PPP1R3A: variants seen among roughly 807,000 people sequenced by gnomAD.
The protein encoded by PPP1R3A is RG1.
A neutral mutation model predicts 41.7 loss-of-function variants in PPP1R3A; 29 were observed. The observed-to-expected ratio is 0.70, with a 90% CI of 0.52 to 0.95. The LOEUF is 0.95. PPP1R3A is among the 40% of genes least tolerant of loss of function. The pLI is 0.00. For synonymous variants in PPP1R3A, 485 were observed against 453.4 expected (o/e 1.07, Z -0.89); for missense variants, 1,352 against 1,292.4 (o/e 1.05, Z -0.71).
chr7:113,910,852 T>C (rs1358396113), intron 1 of PPP1R3A, among the ~76,000 whole-genome samples: 1 of 152,258 alleles, frequency 6.6e-6, no homozygotes, highest in East Asian at 1.9e-4. Flanking sequence ...TAAGAAATGT[T>C]TTCACATAAT....
intron 1 of PPP1R3A, among the ~76,000 whole-genome samples, chr7:113,898,671 A>G (rs1181411220): frequency 2.6e-5 from 4 of 151,756 alleles, no homozygotes; most frequent in Non-Finnish European, 4.4e-5. Flanking sequence ...TTTCCCCACA[A>G]TAAAAGACTT....
chr7:113,893,003 T>C (rs1326729414), intron 1 of PPP1R3A, among the ~76,000 whole-genome samples: 5 of 151,948 alleles, frequency 3.3e-5, no homozygotes, highest in African/African-American at 1.2e-4. Flanking sequence ...AATACACTCA[T>C]GCTGACCTTT....
In PPP1R3A at chr7:113,878,626, G is replaced by A. The variant is rs762566614; in HGVS notation, c.2466C>T (p.Thr822=). 2 of 1,612,938 alleles carry A rather than the reference G, an allele frequency of 1.2e-6. No individual in the cohort carries two copies. The highest frequency in any genetic ancestry group is 1.7e-6 in the Non-Finnish European group (2 of 1,179,532). The change falls in exon 4 of 4, where the codon ACC becomes ACT. Residue 822 remains threonine, a synonymous_variant. Coordinates refer to ENST00000284601, the MANE Select transcript of PPP1R3A (RefSeq NM_002711.4). ...VRVDEMEKEE[T]MSMYNPRKTH... ...TCTTCCTAGGATTGTACATAGACAT[G>A]GTTTCTTCCTTCTCCATTTCATCTA...
At chr7:113,887,780 C>A (rs552465305) in intron 1 of PPP1R3A, among the ~76,000 whole-genome samples, 22 of 152,216 alleles carry the variant, frequency 1.4e-4, no homozygotes, top group Admixed American at 3.3e-4. Flanking sequence ...CCTATAATCC[C>A]AGCACTTTGG....
intron 1 of PPP1R3A, among the ~76,000 whole-genome samples, chr7:113,906,074 T>C (rs1797140490): frequency 6.6e-6 from 1 of 151,822 alleles, no homozygotes; most frequent in Non-Finnish European, 1.5e-5. Context: ...GAAGAAGGTG[T>C]TGAACAATTA....
At chr7:113,906,903 G>T (rs898377250) in intron 1 of PPP1R3A, among the ~76,000 whole-genome samples, 1 of 151,762 alleles carries the variant, frequency 6.6e-6, no homozygotes, top group East Asian at 1.9e-4. Context: ...ATTAAATGCT[G>T]AGCCTAGAGA....
At chr7:113,889,125 G>T (rs1796835565) in intron 1 of PPP1R3A, among the ~76,000 whole-genome samples, 1 of 152,120 alleles carries the variant, frequency 6.6e-6, no homozygotes, top group African/African-American at 2.4e-5. Flanking sequence ...TTTGATGAGA[G>T]GCCAGATTTG....
At chr7:113,900,946 T>C (rs2129118395) in intron 1 of PPP1R3A, among the ~76,000 whole-genome samples, 1 of 151,742 alleles carries the variant, frequency 6.6e-6, no homozygotes, top group East Asian at 2.0e-4. Context: ...TAAGTTTTTT[T>C]TTAAATAATG....
At position 113,901,566 on chromosome 7, in the gene PPP1R3A, A is replaced by C. The variant is rs558654987; in HGVS notation, c.782+16649T>G. Among the ~76,000 whole-genome samples, 43 of 151,940 alleles carry C rather than the reference A, an allele frequency of 2.8e-4. No individual in the cohort carries two copies. In the East Asian group the frequency reaches 7.8e-3, roughly 28 times the overall value. On this transcript the variant is annotated intron_variant, in intron 1 of 3. Transcript: ENST00000284601. The stretch of plus-strand genomic sequence containing the variant: ...ATGGGTTAAAGTAGGAATGTCACAG[A>C]GAAAATTACGAAATAAAGAATGTGT...
intron 1 of PPP1R3A, among the ~76,000 whole-genome samples, chr7:113,905,840 G>C (rs995871003): frequency 6.6e-6 from 1 of 151,738 alleles, no homozygotes; most frequent in African/African-American, 2.4e-5. Flanking sequence ...AGAAGAAAAA[G>C]GTAAGTGAAT....
At chr7:113,899,677 G>T (rs1797031829) in intron 1 of PPP1R3A, among the ~76,000 whole-genome samples, 1 of 151,578 alleles carries the variant, frequency 6.6e-6, no homozygotes, top group African/African-American at 2.4e-5. Context: ...GTGCACATTG[G>T]AGTAGTCTGG....
Position 113,878,865 on chromosome 7 carries a change from T to TTTCTGGAG in PPP1R3A, c.2219_2226dup (p.Ser743LeufsTer12), listed in dbSNP as rs779911197. On this transcript the variant is annotated frameshift_variant, in exon 4 of 4. Transcript: ENST00000284601. LOFTEE classifies it low-confidence loss of function (END_TRUNC). ...ATTGCTTTTTCTCTAGCAGACATGC[T>TTTCTGGAG]TTCTGGAGTACTTTCTGATGTTGTC... 1.2e-6 allele frequency: 2 copies of TTTCTGGAG among 1,613,094 alleles called. 1 individual carries two copies. Among genetic ancestry groups the TTTCTGGAG allele is most frequent in the Non-Finnish European group, 1.7e-6 (2 of 1,179,776 alleles).
chr7:113,897,674 A>T (rs1796999320), intron 1 of PPP1R3A, among the ~76,000 whole-genome samples: 1 of 151,840 alleles, frequency 6.6e-6, no homozygotes, highest in Non-Finnish European at 1.5e-5. Flanking sequence ...GAAAGAGGTC[A>T]GGATGAGCTT....
chr7:113,915,903 T>G (rs577230782), intron 1 of PPP1R3A, among the ~76,000 whole-genome samples: 2 of 152,150 alleles, frequency 1.3e-5, no homozygotes, highest in South Asian at 4.1e-4. Context: ...TTTAGAAATT[T>G]GATAATGCTC....
chr7:113,910,439 A>ACT (rs1302212390), intron 1 of PPP1R3A, among the ~76,000 whole-genome samples: 2 of 152,090 alleles, frequency 1.3e-5, no homozygotes, highest in African/African-American at 4.8e-5. Flanking sequence ...TACTAAATAC[A>ACT]ATAAACACAA....
chr7:113,893,010 CT>C (rs1433334211), intron 1 of PPP1R3A, among the ~76,000 whole-genome samples: 1 of 151,856 alleles, frequency 6.6e-6, no homozygotes. Context: ...TCATGCTGAC[CT>C]TTCTCTCTAA....
chr7:113,904,359 A>G (rs1261878666), intron 1 of PPP1R3A, among the ~76,000 whole-genome samples: 1 of 151,746 alleles, frequency 6.6e-6, no homozygotes, highest in Admixed American at 6.6e-5. Flanking sequence ...GGCTCTGCTT[A>G]CTACAATGTA....
chr7:113,911,737 C>A (rs1302346919), intron 1 of PPP1R3A, among the ~76,000 whole-genome samples: 5 of 151,994 alleles, frequency 3.3e-5, no homozygotes, highest in Admixed American at 1.3e-4. Context: ...CTTATTGAAC[C>A]ATAACATGAT....
chr7:113,902,186 A>AG (rs915042421), intron 1 of PPP1R3A, among the ~76,000 whole-genome samples: 2 of 151,490 alleles, frequency 1.3e-5, no homozygotes, highest in African/African-American at 4.8e-5. Context: ...GCTGGAGTGG[A>AG]GGGGCACAAT....
Sources: allele counts gnomAD v4.1 joint callset (sites outside exome capture counted in the v4.1 genomes callset), GRCh38; gene constraint gnomAD v4.1.1; transcripts MANE v1.5; gene names NCBI Gene and HGNC (gene_info 2026-07-23, HGNC 2026-07-21).